H3Y2: variants seen among roughly 807,000 people sequenced by gnomAD.
H3Y2 encodes the protein histone H3.X.
Under a neutral mutation model 0.6 loss-of-function variants are expected in H3Y2, and 2 were observed. That is an observed-to-expected ratio of 3.36 (90% CI 1.37 to 10.58). The LOEUF (loss-of-function observed/expected upper bound fraction) is 10.58, where lower values mean the gene tolerates loss of function less well. H3Y2 is among the 30% of genes most tolerant of loss of function. H3Y2 has a pLI of 0.04. For synonymous variants in H3Y2, 20 were observed against 7.8 expected (o/e 2.56, Z -2.60); for missense variants, 36 against 19.1 (o/e 1.89, Z -1.66).
Position 17,491,517 on chromosome 5 carries a change from G to A in H3Y2, c.252C>T (p.Arg84=), listed in dbSNP as rs573416548. Residue 84 remains arginine, a synonymous_variant, in exon 1 of 1, where the codon CGC becomes CGT. Transcript: ENST00000600799. Reference sequence around the variant, plus strand: ...GGGCGCCAATGGCCGCGCTCTGGAAGCGCAGGTCCGGGCTGATGGCCTGGG... The same window carrying A: ...GGGCGCCAATGGCCGCGCTCTGGAAACGCAGGTCCGGGCTGATGGCCTGGG... ...EIAQAISPDL[R]FQSAAIGALQ... 2.7e-4 allele frequency: 136 copies of A among 505,252 alleles called. 5 individuals carry two copies. In the South Asian group the frequency reaches 5.2e-3, roughly 19 times the overall value. The allele number at this position is 505,252 out of a possible 1,614,324, so 31.3% of individuals were successfully genotyped here.
chr5:17,491,150 C>A lies in H3Y2; in HGVS notation c.*175G>T, dbSNP rs564117732. Among the ~76,000 whole-genome samples, 2 of 151,818 alleles carry A rather than the reference C, an allele frequency of 1.3e-5. No individual in the cohort carries two copies. Among genetic ancestry groups the A allele is most frequent in the Non-Finnish European group, 2.9e-5 (2 of 68,014 alleles). On this transcript the variant is annotated 3_prime_UTR_variant, in exon 1 of 1. Transcript: ENST00000600799. The stretch of plus-strand genomic sequence containing the variant: ...TGAGACGTTTACTAACAAGCACACA[C>A]AAACACAACTGCCACCTGATTTCTG...
rs945142230 is a variant in H3Y2 at position 17,491,162 on chromosome 5, C to T, written c.*163G>A. ...TAACAAGCACACACAAACACAACTG[C>T]CACCTGATTTCTGCCTGCGTTTCCA... On this transcript the variant is annotated 3_prime_UTR_variant, in exon 1 of 1. Coordinates refer to ENST00000600799, the MANE Select transcript of H3Y2 (RefSeq NM_001371919.1). Among the ~76,000 whole-genome samples the T allele has an allele frequency of 2.6e-5, 4 of 151,766 alleles. No homozygotes were observed. The highest frequency in any genetic ancestry group is 9.7e-5 in the African/African-American group (4 of 41,072).
Position 17,491,968 on chromosome 5 carries a change from C to T in H3Y2, c.-200G>A, listed in dbSNP as rs73756920. Among the ~76,000 whole-genome samples, 740 of 151,786 alleles carry T rather than the reference C, an allele frequency of 4.9e-3. 38 individuals carry two copies. The highest frequency in any genetic ancestry group is 0.017 in the African/African-American group (692 of 41,146). On this transcript the variant is annotated 5_prime_UTR_variant, in exon 1 of 1. Coordinates refer to ENST00000600799, the MANE Select transcript of H3Y2 (RefSeq NM_001371919.1). ...CTTACCAGCTCTCAGGTCTGTGGGT[C>T]GGAGGCCGGGCTGCTTAGTCTTCCC...
rs182925170 is a variant in H3Y2 at position 17,491,362 on chromosome 5, G to A, written c.407C>T (p.Ala136Val). 5.8e-5 allele frequency: 25 copies of A among 432,722 alleles called. No individual in the cohort carries two copies. The highest frequency in any genetic ancestry group is 8.6e-5 in the Non-Finnish European group (21 of 243,614). The allele number at this position is 432,722 out of a possible 1,614,324, so 26.8% of individuals were successfully genotyped here. A position where few individuals can be genotyped will look rare whatever the true frequency, so the allele number is the denominator to read the frequency against. ...QLARRLRGEGAGEPTLLGNLA... is the reference protein window; with the variant it reads ...QLARRLRGEGVGEPTLLGNLA... ...GTTTCCCAGGAGCGTGGGCTCTCCGGCACCCTCTCCACGGAGGCGGCGGGC... is the reference window on the plus strand; with the variant it reads ...GTTTCCCAGGAGCGTGGGCTCTCCGACACCCTCTCCACGGAGGCGGCGGGC... The change falls in exon 1 of 1, where the codon GCC becomes GTC. Residue 136 changes from alanine to valine, a missense_variant. By Grantham distance (64) the Ala-to-Val change is moderately conservative. Transcript: ENST00000600799.
In H3Y2 at chr5:17,491,568, G is replaced by A. The variant is rs1738112991; in HGVS notation, c.201C>T (p.Pro67=). ...CGATCTCACGCACCAGACGCTGGAA[G>A]GGCAGCTTGCGCAGGAGCAGCTGCG... The part of the protein sequence containing the change: ...KSTQLLLRKL[P]FQRLVREIAQ... Residue 67 remains proline (P), a synonymous_variant, in exon 1 of 1, where the codon CCC becomes CCT. Coordinates refer to ENST00000600799, the MANE Select transcript of H3Y2 (RefSeq NM_001371919.1). 4.5e-6 allele frequency: 2 copies of A among 448,042 alleles called. No homozygotes were observed. The highest frequency in any genetic ancestry group is 8.1e-6 in the Non-Finnish European group (2 of 248,198). 27.8% of individuals were successfully genotyped at this position (448,042 alleles called of 1,614,324 possible).
Position 17,491,279 on chromosome 5 carries a change from G to T in H3Y2, c.*46C>A. ...TTCTCACATCAGAACTACCAGTTAC[G>T]GGGGAAGAGAAAAAAGAAAACACAA... On this transcript the variant is annotated 3_prime_UTR_variant, in exon 1 of 1. Transcript: ENST00000600799. 1 of 399,584 alleles carries T rather than the reference G, an allele frequency of 2.5e-6. No homozygotes were observed. Among genetic ancestry groups the T allele is most frequent in the South Asian group, 1.3e-4 (1 of 7,820 alleles). 24.8% of individuals were successfully genotyped at this position (399,584 alleles called of 1,614,324 possible).
At position 17,492,047 on chromosome 5, in the gene H3Y2, C is replaced by T. The variant is rs1412738621; in HGVS notation, c.-279G>A. ...CAGCAGCAGCCAGGAGTCTCCCTCGCAGGCAGTCTGTTTCTGACTGGAGAT... is the reference window on the plus strand; with the variant it reads ...CAGCAGCAGCCAGGAGTCTCCCTCGTAGGCAGTCTGTTTCTGACTGGAGAT... On this transcript the variant is annotated 5_prime_UTR_variant, in exon 1 of 1. Transcript: ENST00000600799. Among the ~76,000 whole-genome samples the T allele has an allele frequency of 1.3e-5, 2 of 151,618 alleles. No homozygotes were observed. The highest frequency in any genetic ancestry group is 3.9e-4 in the East Asian group (2 of 5,166).
chr5:17,491,547 C>T lies in H3Y2; in HGVS notation c.222G>A (p.Glu74=). The stretch of plus-strand genomic sequence containing the variant: ...GGTCCGGGCTGATGGCCTGGGCGAT[C>T]TCACGCACCAGACGCTGGAAGGGCA... The part of the protein sequence containing the change: ...RKLPFQRLVR[E]IAQAISPDLR... Residue 74 remains glutamate (E), a synonymous_variant, in exon 1 of 1, where the codon GAG becomes GAA. Transcript: ENST00000600799. The T allele has an allele frequency of 4.2e-6, 2 of 474,890 alleles. No individual in the cohort carries two copies. Among genetic ancestry groups the T allele is most frequent in the Non-Finnish European group, 7.6e-6 (2 of 263,872 alleles). 29.4% of individuals were successfully genotyped at this position (474,890 alleles called of 1,614,324 possible).
rs574489700 is a variant in H3Y2, at chr5:17,491,022, G to GA, written c.*302dup. 5.3e-5 allele frequency among the ~76,000 whole-genome samples: 8 copies of GA among 149,704 alleles called. No individual in the cohort carries two copies. Among genetic ancestry groups the GA allele is most frequent in the South Asian group, 2.1e-4 (1 of 4,722 alleles). ...AGAACCCGTATGCAGACATAGTAAA[G>GA]AAAAAAAAATAAGATTTCTTTATAA... On this transcript the variant is annotated 3_prime_UTR_variant, in exon 1 of 1. Coordinates refer to ENST00000600799, the MANE Select transcript of H3Y2 (RefSeq NM_001371919.1).
In H3Y2 at chr5:17,491,384, G is replaced by A. The variant is rs1022407624; in HGVS notation, c.385C>T (p.Arg129Cys). 1.1e-5 allele frequency: 5 copies of A among 456,290 alleles called. No homozygotes were observed. Among genetic ancestry groups the A allele is most frequent in the Admixed American group, 8.3e-5 (2 of 24,146 alleles). The allele number at this position is 456,290 out of a possible 1,614,324, so 28.3% of individuals were successfully genotyped here. ...CCGGCACCCTCTCCACGGAGGCGGC[G>A]GGCCAGCTGCATGTCTCGGGGCATA... ...TIMPRDMQLA[R>C]RLRGEGAGEP... is the part of the protein sequence containing the mutation. Residue 129 changes from arginine to cysteine, a missense_variant, in exon 1 of 1, where the codon CGC (arginine) becomes TGC (cysteine). By Grantham distance (180) the Arg-to-Cys change is radical. Coordinates refer to ENST00000600799, the MANE Select transcript of H3Y2 (RefSeq NM_001371919.1).
chr5:17,491,163 C>T lies in H3Y2; in HGVS notation c.*162G>A, dbSNP rs967727543. On this transcript the variant is annotated 3_prime_UTR_variant, in exon 1 of 1. Coordinates refer to ENST00000600799, the MANE Select transcript of H3Y2 (RefSeq NM_001371919.1). ...AACAAGCACACACAAACACAACTGC[C>T]ACCTGATTTCTGCCTGCGTTTCCAC... Among the ~76,000 whole-genome samples, 4 of 151,826 alleles carry T rather than the reference C, an allele frequency of 2.6e-5. No individual in the cohort carries two copies. The highest frequency in any genetic ancestry group is 9.7e-5 in the African/African-American group (4 of 41,100).
rs1336737727 is a variant in H3Y2, at chr5:17,491,857, T to A, written c.-89A>T. 2.5e-6 allele frequency: 1 copy of A among 398,338 alleles called. No homozygotes were observed. The highest frequency in any genetic ancestry group is 4.4e-6 in the Non-Finnish European group (1 of 226,564). 24.7% of individuals were successfully genotyped at this position (398,338 alleles called of 1,614,324 possible). On this transcript the variant is annotated 5_prime_UTR_variant, in exon 1 of 1. Transcript: ENST00000600799. Reference sequence around the variant, plus strand: ...CGTCAGAAAACAAGGGCAGTGGTGCTGTGGACAGGATTCAGAGAGCCTGTG... The same window carrying A: ...CGTCAGAAAACAAGGGCAGTGGTGCAGTGGACAGGATTCAGAGAGCCTGTG...
rs1263372262 is a variant in H3Y2, at chr5:17,491,601, C to G, written c.168G>C (p.Gln56His). Residue 56 changes from glutamine (Q) to histidine (H), a missense_variant, in exon 1 of 1, where the codon CAG becomes CAC. Coordinates refer to ENST00000600799, the MANE Select transcript of H3Y2 (RefSeq NM_001371919.1). Reference protein sequence around the residue: ...TLALREIRKYQKSTQLLLRKL... With the variant: ...TLALREIRKYHKSTQLLLRKL... ...TGCGCAGGAGCAGCTGCGTGGACTT[C>G]TGGTACTTTCTGATTTCCCGCAGCG... 14 of 416,694 alleles carry G rather than the reference C, an allele frequency of 3.4e-5. No homozygotes were observed. The highest frequency in any genetic ancestry group is 5.2e-5 in the Non-Finnish European group (12 of 232,200). 25.8% of individuals were successfully genotyped at this position (416,694 alleles called of 1,614,324 possible). A position where few individuals can be genotyped will look rare whatever the true frequency, so the allele number is the denominator to read the frequency against.
the H3Y2 span, chr5:17,491,717 TG>T: frequency 2.5e-6 from 1 of 404,716 alleles, no homozygotes; most frequent in South Asian, 1.1e-4. Flanking sequence ...AGGGGCTTCC[TG>T]GGGGCCTGCC....
At position 17,491,099 on chromosome 5, in the gene H3Y2, T is replaced by C. The variant is rs977390493; in HGVS notation, c.*226A>G. Reference sequence around the variant, plus strand: ...TCACAGAGACATTTCCACTTGACACTAGTACCTTGGGAGCCTCAAAGTAGA... The same window carrying C: ...TCACAGAGACATTTCCACTTGACACCAGTACCTTGGGAGCCTCAAAGTAGA... On this transcript the variant is annotated 3_prime_UTR_variant, in exon 1 of 1. Transcript: ENST00000600799. Among the ~76,000 whole-genome samples, 1 of 151,696 alleles carries C rather than the reference T, an allele frequency of 6.6e-6. No homozygotes were observed. Among genetic ancestry groups the C allele is most frequent in the Non-Finnish European group, 1.5e-5 (1 of 68,018 alleles).
chr5:17,491,676 C>A lies in H3Y2; in HGVS notation c.93G>T (p.Ser31=). Residue 31 remains serine, a synonymous_variant, in exon 1 of 1, where the codon TCG becomes TCT. Coordinates refer to ENST00000600799, the MANE Select transcript of H3Y2 (RefSeq NM_001371919.1). ...GAGGCTTCTTGATCCCTCCTGTAGG[C>A]GACGCCCTTTTTCTGGCGGCTTTGG... is the stretch of plus-strand genomic sequence containing the variant. ...LATKAARKRA[S]PTGGIKKPHR... 4.9e-6 allele frequency: 2 copies of A among 404,304 alleles called. No individual in the cohort carries two copies. The highest frequency in any genetic ancestry group is 8.7e-6 in the Non-Finnish European group (2 of 229,572). 25.0% of individuals were successfully genotyped at this position (404,304 alleles called of 1,614,324 possible). A position where few individuals can be genotyped will look rare whatever the true frequency, so the allele number is the denominator to read the frequency against.
Position 17,491,223 on chromosome 5 carries a change from G to C in H3Y2, c.*102C>G, listed in dbSNP as rs1474830959. The C allele has an allele frequency of 2.5e-6, 1 of 394,522 alleles. No homozygotes were observed. Among genetic ancestry groups the C allele is most frequent in the East Asian group, 3.6e-5 (1 of 27,870 alleles). 24.4% of individuals were successfully genotyped at this position (394,522 alleles called of 1,614,324 possible). A position where few individuals can be genotyped will look rare whatever the true frequency, so the allele number is the denominator to read the frequency against. ...TATGCTTAGCTACCTTTGGACCCCC[G>C]GAGGGAAAAGAAACCAAAACAGAAC... On this transcript the variant is annotated 3_prime_UTR_variant, in exon 1 of 1. Transcript: ENST00000600799.
Position 17,491,742 on chromosome 5 carries a change from G to C in H3Y2, c.27C>G (p.Arg9=). Residue 9 remains arginine, a synonymous_variant, in exon 1 of 1, where the codon CGC becomes CGG. Coordinates refer to ENST00000600799, the MANE Select transcript of H3Y2 (RefSeq NM_001371919.1). MARTKQTA[R]KATAWQAPRK... ...TGGGGGCCTGCCAGGCGGTGGCTTT[G>C]CGGGCGGTCTGCTTGGTGCGCGCCA... 1 of 405,950 alleles carries C rather than the reference G, an allele frequency of 2.5e-6. No homozygotes were observed. 25.1% of individuals were successfully genotyped at this position (405,950 alleles called of 1,614,324 possible). A position where few individuals can be genotyped will look rare whatever the true frequency, so the allele number is the denominator to read the frequency against.
chr5:17,491,867 A>C lies in H3Y2; in HGVS notation c.-99T>G. 2.5e-6 allele frequency: 1 copy of C among 397,988 alleles called. No individual in the cohort carries two copies. Among genetic ancestry groups the C allele is most frequent in the Non-Finnish European group, 4.4e-6 (1 of 226,322 alleles). 24.7% of individuals were successfully genotyped at this position (397,988 alleles called of 1,614,324 possible). On this transcript the variant is annotated 5_prime_UTR_variant, in exon 1 of 1. Transcript: ENST00000600799. Reference sequence around the variant, plus strand: ...CAAGGGCAGTGGTGCTGTGGACAGGATTCAGAGAGCCTGTGAGTTGAGATC... The same window carrying C: ...CAAGGGCAGTGGTGCTGTGGACAGGCTTCAGAGAGCCTGTGAGTTGAGATC...
Sources: allele counts gnomAD v4.1 joint callset (sites outside exome capture counted in the v4.1 genomes callset), GRCh38; gene constraint gnomAD v4.1.1; transcripts MANE v1.5; gene names NCBI Gene and HGNC (gene_info 2026-07-23, HGNC 2026-07-21).